Variants in METTL24 observed in about 807,000 individuals in gnomAD.
The protein encoded by METTL24 is methyltransferase like 24, also known as probable methyltransferase-like protein 24.
METTL24 carries 29 observed loss-of-function variants against 32.7 expected under a neutral mutation model. The observed-to-expected ratio is 0.89, with a 90% CI of 0.66 to 1.21. The LOEUF is 1.21. Among genes scored for constraint, METTL24 ranks in the 50% most tolerant of loss-of-function variants. The probability of loss-of-function intolerance (pLI) is 0.00; values close to 1 mark genes in which losing one functional copy is unlikely to be tolerated. For synonymous variants in METTL24, 163 were observed against 179.5 expected, an observed-to-expected ratio of 0.91 and a Z score of 0.73; for missense variants, 439 against 468.1, an observed-to-expected ratio of 0.94 and a Z score of 0.57.
chr6:110,246,911 T>C (rs1778176440), intron 4 of METTL24, among the ~76,000 whole-genome samples: 1 of 151,752 alleles, frequency 6.6e-6, no homozygotes, highest in Non-Finnish European at 1.5e-5. Flanking sequence ...ATTATTATTC[T>C]ATGATTTCTT....
At chr6:110,291,242 A>G (rs1771313791) in intron 4 of METTL24, among the ~76,000 whole-genome samples, 1 of 152,190 alleles carries the variant, frequency 6.6e-6, no homozygotes, top group Admixed American at 6.5e-5. Context: ...TATGCTAAGA[A>G]ATATACTGTC....
intron 4 of METTL24, among the ~76,000 whole-genome samples, chr6:110,264,545 A>T (rs574282468): frequency 1.3e-5 from 2 of 152,354 alleles, no homozygotes; most frequent in Admixed American, 1.3e-4. Flanking sequence ...TAGCTCAACC[A>T]TTGTGGAAGT....
intron 4 of METTL24, among the ~76,000 whole-genome samples, chr6:110,252,476 C>T (rs1778299229): frequency 1.3e-5 from 2 of 152,188 alleles, no homozygotes. Flanking sequence ...TCCTTAAAGG[C>T]CCTATCTCTA....
chr6:110,330,662 A>C (rs1038331652), intron 1 of METTL24, among the ~76,000 whole-genome samples: 1 of 152,232 alleles, frequency 6.6e-6, no homozygotes, highest in Admixed American at 6.5e-5. Flanking sequence ...TGGCCTGGGC[A>C]TACATGGGAT....
intron 4 of METTL24, among the ~76,000 whole-genome samples, chr6:110,256,053 G>A (rs1400108742): frequency 6.6e-6 from 1 of 152,044 alleles, no homozygotes; most frequent in Admixed American, 6.6e-5. Context: ...AAGAAACTAG[G>A]AATAAAAATA....
intron 1 of METTL24, among the ~76,000 whole-genome samples, chr6:110,323,797 G>T (rs1286475626): frequency 6.6e-6 from 1 of 152,144 alleles, no homozygotes; most frequent in African/African-American, 2.4e-5. Context: ...TCAATGTCTA[G>T]TGCCAGGAAA....
intron 1 of METTL24, among the ~76,000 whole-genome samples, chr6:110,331,328 G>C (rs1370297634): frequency 6.6e-6 from 1 of 151,456 alleles, no homozygotes. Context: ...TCCAGAGGAG[G>C]GGAAGAAAGA....
At position 110,298,965 on chromosome 6, in the gene METTL24, G is replaced by GT. The variant is rs1562229569; in HGVS notation, c.742dup (p.Thr248AsnfsTer10). Reference sequence around the variant, plus strand: ...ATTCAAAATGCTTCCCAGTTTTCTGGTGTTGCTATGTGGTTTTTGGGCAGC... The same window carrying GT: ...ATTCAAAATGCTTCCCAGTTTTCTGGTTGTTGCTATGTGGTTTTTGGGCAGC... On this transcript the variant is annotated frameshift_variant, in exon 4 of 5. Transcript: ENST00000338882. LOFTEE classifies it high-confidence loss of function. 1 of 1,614,104 alleles carries GT rather than the reference G, an allele frequency of 6.2e-7. No individual in the cohort carries two copies. Among genetic ancestry groups the GT allele is most frequent in the South Asian group, 1.1e-5 (1 of 91,080 alleles).
chr6:110,347,775 T>C (rs867658203), intron 1 of METTL24, among the ~76,000 whole-genome samples: 7 of 152,150 alleles, frequency 4.6e-5, no homozygotes, highest in African/African-American at 1.7e-4. Flanking sequence ...TTGTAAAAGA[T>C]ATTTGTAATT....
intron 1 of METTL24, among the ~76,000 whole-genome samples, chr6:110,330,245 A>T (rs1192225184): frequency 6.6e-6 from 1 of 152,120 alleles, no homozygotes; most frequent in African/African-American, 2.4e-5. Context: ...GGCACCTAGA[A>T]CTCTGCGAAA....
At chr6:110,293,736 G>T (rs151155223) in intron 4 of METTL24, among the ~76,000 whole-genome samples, 1 of 151,970 alleles carries the variant, frequency 6.6e-6, no homozygotes, top group African/African-American at 2.4e-5. Context: ...CCAGGGGTTA[G>T]GGAAGGAGGT....
At chr6:110,332,932 G>A (rs1001944430) in intron 1 of METTL24, among the ~76,000 whole-genome samples, 7 of 150,852 alleles carry the variant, frequency 4.6e-5, no homozygotes, top group African/African-American at 1.7e-4. Flanking sequence ...AAGCAAGTGT[G>A]CCTAAGAAAG....
intron 1 of METTL24, among the ~76,000 whole-genome samples, chr6:110,326,986 T>C (rs945262682): frequency 6.6e-6 from 1 of 152,214 alleles, no homozygotes; most frequent in Non-Finnish European, 1.5e-5. Context: ...AAGGAGTCAT[T>C]CATTCATTCA....
At chr6:110,288,330 C>A (rs546208309) in intron 4 of METTL24, among the ~76,000 whole-genome samples, 2 of 152,232 alleles carry the variant, frequency 1.3e-5, no homozygotes, top group South Asian at 4.1e-4. Flanking sequence ...CAGGTCTTAC[C>A]CCAGACCTCC....
chr6:110,321,228 C>A (rs1251717854), intron 2 of METTL24, among the ~76,000 whole-genome samples: 1 of 152,086 alleles, frequency 6.6e-6, no homozygotes, highest in Non-Finnish European at 1.5e-5. Context: ...CAGAGGGAGA[C>A]TCTGTCTCTG....
chr6:110,321,563 A>T (rs1013879390), intron 2 of METTL24, among the ~76,000 whole-genome samples: 34 of 152,218 alleles, frequency 2.2e-4, no homozygotes, highest in African/African-American at 8.0e-4. Context: ...GTTCATGTAA[A>T]ATCAAACTAC....
At chr6:110,270,489 C>T (rs1026866812) in intron 4 of METTL24, among the ~76,000 whole-genome samples, 1 of 152,112 alleles carries the variant, frequency 6.6e-6, no homozygotes, top group African/African-American at 2.4e-5. Flanking sequence ...TCGCCATGAA[C>T]ACCTTCCCAA....
chr6:110,247,845 C>CT (rs1778197223), intron 4 of METTL24, among the ~76,000 whole-genome samples: 1 of 152,164 alleles, frequency 6.6e-6, no homozygotes, highest in African/African-American at 2.4e-5. Context: ...CGTGAGGCTC[C>CT]TTGTGCCACA....
intron 4 of METTL24, 90 bp from the exon 5 acceptor site, chr6:110,246,350 C>A: frequency 8.2e-7 from 1 of 1,218,740 alleles, no homozygotes; most frequent in East Asian, 2.5e-5. Flanking sequence ...CTGAAGGAAA[C>A]AGAATTTTTA....
Sources: allele counts gnomAD v4.1 joint callset (sites outside exome capture counted in the v4.1 genomes callset), GRCh38; gene constraint gnomAD v4.1.1; transcripts MANE v1.5; gene names NCBI Gene and HGNC (gene_info 2026-07-23, HGNC 2026-07-21).